RARA: variants seen among roughly 807,000 people sequenced by gnomAD.
The protein encoded by RARA is retinoic acid receptor alpha, also known as PML-DDX5-RARA fusion.
Under a neutral mutation model 42.8 loss-of-function variants are expected in RARA, and 5 were observed. The observed-to-expected ratio is 0.12, with a 90% CI of 0.06 to 0.25. The LOEUF (loss-of-function observed/expected upper bound fraction) is 0.25, where lower values mean the gene tolerates loss of function less well. Among genes scored for constraint, RARA ranks in the 10% least tolerant of loss-of-function variants. The probability of loss-of-function intolerance (pLI) is 1.00; values close to 1 mark genes in which losing one functional copy is unlikely to be tolerated. For synonymous variants in RARA, 256 were observed against 259.5 expected (o/e 0.99, Z 0.13); for missense variants, 402 against 628.7 (o/e 0.64, Z 3.86).
intron 3 of RARA, chr17:40,348,796 C>T (rs905380620): frequency 2.9e-5 from 6 of 210,364 alleles, no homozygotes; most frequent in Non-Finnish European, 5.7e-5. Context: ...GGCTGGGGAC[C>T]CAGGAGGCCT....
intron 2 of RARA, chr17:40,341,220 A>G (rs1400127189): frequency 1.2e-6 from 1 of 855,110 alleles, no homozygotes; most frequent in African/African-American, 1.8e-5. Context: ...ATCTCTCCAG[A>G]GCTGGACAGT....
chr17:40,309,584 G>GT (rs2033057618), intron 1 of RARA, among the ~76,000 whole-genome samples: 1 of 152,172 alleles, frequency 6.6e-6, no homozygotes, highest in South Asian at 2.1e-4. Flanking sequence ...CCTCCTTTGC[G>GT]GTATTGCCTA....
intron 2 of RARA, among the ~76,000 whole-genome samples, chr17:40,333,514 T>G (rs1400764480): frequency 2.0e-5 from 3 of 151,334 alleles, no homozygotes; most frequent in African/African-American, 7.3e-5. Flanking sequence ...TTTTGTATTT[T>G]TAGTAGAGAT....
chr17:40,346,698 T>C (rs1598575541), intron 2 of RARA, among the ~76,000 whole-genome samples: 1 of 141,872 alleles, frequency 7.0e-6, no homozygotes, highest in South Asian at 2.6e-4. Flanking sequence ...TTGTCTGGCC[T>C]GGGGAGAATG....
chr17:40,318,109 G>A (rs2033253626), intron 1 of RARA, among the ~76,000 whole-genome samples: 1 of 152,226 alleles, frequency 6.6e-6, no homozygotes. Flanking sequence ...CCCTTCCCGA[G>A]GTCTATTAAG....
chr17:40,344,952 T>C (rs761847877), intron 2 of RARA, among the ~76,000 whole-genome samples: 1 of 152,180 alleles, frequency 6.6e-6, no homozygotes, highest in Non-Finnish European at 1.5e-5. Flanking sequence ...TCCAGCCCCC[T>C]CTTGGGGAAT....
intron 1 of RARA, among the ~76,000 whole-genome samples, chr17:40,311,494 C>T (rs780007079): frequency 4.6e-5 from 7 of 152,148 alleles, no homozygotes; most frequent in Non-Finnish European, 7.4e-5. Context: ...AGGCTGACCC[C>T]CGCCACCCCA....
At chr17:40,325,417 C>T (rs1291569315) in intron 1 of RARA, among the ~76,000 whole-genome samples, 1 of 152,034 alleles carries the variant, frequency 6.6e-6, no homozygotes, top group Non-Finnish European at 1.5e-5. Context: ...AGAGCCTTGG[C>T]CAGAGGGGAC....
Position 40,340,319 on chromosome 17 carries a change from G to T in RARA, c.179-7997G>T, listed in dbSNP as rs567981343. Among the ~76,000 whole-genome samples, 12 of 152,222 alleles carry T rather than the reference G, an allele frequency of 7.9e-5. No homozygotes were observed. In the South Asian group the frequency reaches 1.9e-3, roughly 24 times the overall value. ...AAAGATCTTTTTACACTGTAAATCTGATCTTTCCTTTGCTTGGAACCTTTC... is the reference window on the plus strand; with the variant it reads ...AAAGATCTTTTTACACTGTAAATCTTATCTTTCCTTTGCTTGGAACCTTTC... On this transcript the variant is annotated intron_variant, in intron 2 of 8. Transcript: ENST00000254066.
At chr17:40,348,092 T>TG (rs2034326491) in intron 2 of RARA, 7 of 435,486 alleles carry the variant, frequency 1.6e-5, no homozygotes, top group Non-Finnish European at 2.0e-5. Context: ...GTTTTGAAGG[T>TG]GGGGGTCCTA....
intron 1 of RARA, among the ~76,000 whole-genome samples, chr17:40,321,567 G>A (rs1158805090): frequency 3.3e-5 from 5 of 152,310 alleles, no homozygotes; most frequent in Admixed American, 1.3e-4. Context: ...CATCATGAGG[G>A]CCAGGGGCCA....
At chr17:40,314,165 G>A (rs1027391543) in intron 1 of RARA, among the ~76,000 whole-genome samples, 7 of 136,932 alleles carry the variant, frequency 5.1e-5, no homozygotes, top group African/African-American at 1.9e-4. Context: ...GGTGGGTGAG[G>A]GATATGGCGG....
rs993658783 is a variant in RARA at position 40,355,216 on chromosome 17, G to T, written c.1013-47G>T. ...CGCCCCCCGGTGGCCGAGGCTGGGGGTGCAGCTGTGTTCCCAGCTGCTCAG... is the reference window on the plus strand; with the variant it reads ...CGCCCCCCGGTGGCCGAGGCTGGGGTTGCAGCTGTGTTCCCAGCTGCTCAG... On this transcript the variant is annotated intron_variant, in intron 7 of 8. Transcript: ENST00000254066. This position sits in a 1 kb window ranked among gnomAD's most constrained non-coding sequence, Gnocchi z 4.1. 1.3e-6 allele frequency: 2 copies of T among 1,525,454 alleles called. No homozygotes were observed. Among genetic ancestry groups the T allele is most frequent in the Middle Eastern group, 2.2e-4 (1 of 4,612 alleles). The allele number at this position is 1,525,454 out of a possible 1,614,324, so 94.5% of individuals were successfully genotyped here. A position where few individuals can be genotyped will look rare whatever the true frequency, so the allele number is the denominator to read the frequency against.
intron 3 of RARA, chr17:40,348,670 G>A: frequency 1.9e-6 from 1 of 528,796 alleles, no homozygotes; most frequent in Admixed American, 4.4e-5. Flanking sequence ...TCAAACCAGA[G>A]GTCCCCTCCT....
In RARA at chr17:40,356,125, G is replaced by A. The variant is rs759435121; in HGVS notation, c.1288G>A (p.Gly430Arg). 3.5e-6 allele frequency: 4 copies of A among 1,149,210 alleles called. No individual in the cohort carries two copies. The African/African-American group carries it at 4.5e-5, about 13-fold the overall frequency. 71.2% of individuals were successfully genotyped at this position (1,149,210 alleles called of 1,614,324 possible). Residue 430 changes from glycine (G) to arginine (R), a missense_variant, in exon 9 of 9, where the codon GGG becomes AGG. By Grantham distance (125) the Gly-to-Arg change is moderately radical (BLOSUM62 -2). Around this residue, in one of 5 missense-constraint regions of RARA, gnomAD observed 73 missense variants for 59.8 expected, o/e 1.22. Transcript: ENST00000254066. ...CACTCTGAGCGGACAGCCGGGGGGT[G>A]GGGGGCGGGACGGGGGTGGCCTGGC... ...LDTLSGQPGG[G>R]GRDGGGLAPP...
At chr17:40,336,268 T>A (rs1232438823) in intron 2 of RARA, among the ~76,000 whole-genome samples, 1 of 152,148 alleles carries the variant, frequency 6.6e-6, no homozygotes, top group Non-Finnish European at 1.5e-5. Context: ...TTAGTAGAGA[T>A]GGGGTTCCTC....
Position 40,352,722 on chromosome 17 carries a change from C to G in RARA, c.807+215C>G, listed in dbSNP as rs1238778263. Among the ~76,000 whole-genome samples, 2 of 152,190 alleles carry G rather than the reference C, an allele frequency of 1.3e-5. No individual in the cohort carries two copies. The highest frequency in any genetic ancestry group is 2.9e-5 in the Non-Finnish European group (2 of 68,036). Reference sequence around the variant, plus strand: ...AGCAGCCAGATGTGCAGGAGCTCACCTGTTCACCCATACACATATCCAGCC... The same window carrying G: ...AGCAGCCAGATGTGCAGGAGCTCACGTGTTCACCCATACACATATCCAGCC... On this transcript the variant is annotated intron_variant, in intron 6 of 8. Transcript: ENST00000254066. The surrounding 1 kb of genome is among the most constrained non-coding windows in gnomAD (Gnocchi z 4.9).
chr17:40,323,734 G>T (rs373023967), intron 1 of RARA, among the ~76,000 whole-genome samples: 39 of 147,138 alleles, frequency 2.7e-4, no homozygotes, highest in Middle Eastern at 3.4e-3. Flanking sequence ...AGTTGCTTGG[G>T]GGGGGGTCAA....
In RARA at chr17:40,352,566, C is replaced by A; in HGVS notation, c.807+59C>A. The stretch of plus-strand genomic sequence containing the variant: ...CCCTGTGTCCTGGGTAGATGTCCTT[C>A]CAGCCAGACAGCCACCCTCCTAAAT... On this transcript the variant is annotated intron_variant, in intron 6 of 8. Transcript: ENST00000254066. This position sits in a 1 kb window ranked among gnomAD's most constrained non-coding sequence, Gnocchi z 4.9. The A allele has an allele frequency of 1.4e-6, 2 of 1,409,620 alleles. No homozygotes were observed. The highest frequency in any genetic ancestry group is 1.4e-5 in the African/African-American group (1 of 69,046). 87.3% of individuals were successfully genotyped at this position (1,409,620 alleles called of 1,614,324 possible).
Sources: allele counts gnomAD v4.1 joint callset (sites outside exome capture counted in the v4.1 genomes callset), GRCh38; gene constraint gnomAD v4.1.1; regional missense constraint gnomAD v4.1.1; non-coding constraint Gnocchi (gnomAD v3.1); transcripts MANE v1.5; gene names NCBI Gene and HGNC (gene_info 2026-07-23, HGNC 2026-07-21).